Variants in PIEZO2 observed in about 807,000 individuals in gnomAD.
PIEZO2 encodes the protein piezo type mechanosensitive ion channel component 2, also known as piezo-type mechanosensitive ion channel component 2.
PIEZO2 carries 172 observed loss-of-function variants against 337.3 expected under a neutral mutation model. That is an observed-to-expected ratio of 0.51 (90% CI 0.45 to 0.58). The LOEUF is 0.58. Ranked by LOEUF, PIEZO2 falls within the 20% of genes least tolerant of loss-of-function variation. The pLI, the probability that PIEZO2 is intolerant of heterozygous loss-of-function variation, is 0.00. For synonymous variants in PIEZO2, 1,251 were observed against 1,228.5 expected, an observed-to-expected ratio of 1.02 and a Z score of -0.38; for missense variants, 3,028 against 3,391.3, an observed-to-expected ratio of 0.89 and a Z score of 2.66.
intron 33 of PIEZO2, among the ~76,000 whole-genome samples, chr18:10,737,435 C>T (rs1243432338): frequency 2.0e-5 from 3 of 152,194 alleles, no homozygotes; most frequent in African/African-American, 7.2e-5. Flanking sequence ...CGTGTCGTAG[C>T]CCTAAGACAG....
intron 7 of PIEZO2, among the ~76,000 whole-genome samples, chr18:10,807,853 T>G (rs181948758): frequency 5.3e-5 from 8 of 152,352 alleles, no homozygotes; most frequent in African/African-American, 1.9e-4. Context: ...CAAAGCATAG[T>G]AACTAATCAT....
In PIEZO2 at chr18:10,780,305, G is replaced by T. The variant is rs755987089; in HGVS notation, c.2534+20C>A. On this transcript the variant is annotated intron_variant, in intron 18 of 55. Coordinates refer to ENST00000674853, the MANE Select transcript of PIEZO2 (RefSeq NM_001378183.1). ...AATAGCTTCGAACAAAAATAAGAGA[G>T]AAAACATTGAAGTACCCACCTATTT... The T allele has an allele frequency of 1.4e-6, 1 of 702,746 alleles. No homozygotes were observed. The highest frequency in any genetic ancestry group is 2.6e-6 in the Non-Finnish European group (1 of 384,884). The allele number at this position is 702,746 out of a possible 1,614,324, so 43.5% of individuals were successfully genotyped here. A position where few individuals can be genotyped will look rare whatever the true frequency, so the allele number is the denominator to read the frequency against.
intron 4 of PIEZO2, among the ~76,000 whole-genome samples, chr18:10,884,573 A>G (rs994844951): frequency 1.3e-5 from 2 of 152,152 alleles, no homozygotes; most frequent in Non-Finnish European, 2.9e-5. Context: ...CACTGGCCAC[A>G]TTGCCTGGCT....
rs1412347444 is a variant in PIEZO2, at chr18:11,125,709, C to A, written c.64+22816G>T. ...CAGGAAAAGAGAGTCTAGTTCAGGG[C>A]AGGACAACATTCCAGCCCCCACTGA... On this transcript the variant is annotated intron_variant, in intron 1 of 55. Transcript: ENST00000674853. The surrounding 1 kb of genome is among the most constrained non-coding windows in gnomAD (Gnocchi z 4.4). Among the ~76,000 whole-genome samples, 1 of 152,212 alleles carries A rather than the reference C, an allele frequency of 6.6e-6. No homozygotes were observed. The highest frequency in any genetic ancestry group is 2.4e-5 in the African/African-American group (1 of 41,464).
At chr18:10,690,680 C>T (rs932058992) in intron 48 of PIEZO2, among the ~76,000 whole-genome samples, 3 of 152,122 alleles carry the variant, frequency 2.0e-5, no homozygotes, top group East Asian at 1.9e-4. Context: ...GTTTAATTTG[C>T]GAGAGAACAG....
intron 2 of PIEZO2, among the ~76,000 whole-genome samples, chr18:11,045,295 CAAAAAA>C (rs58924653): frequency 4.6e-4 from 24 of 52,346 alleles, no homozygotes; most frequent in South Asian, 3.0e-3. Flanking sequence ...GACTCCGTCT[CAAAAAA>C]AAAAAAAAAA....
At chr18:11,118,349 C>T (rs1246858333) in intron 1 of PIEZO2, among the ~76,000 whole-genome samples, 1 of 152,184 alleles carries the variant, frequency 6.6e-6, no homozygotes, top group African/African-American at 2.4e-5. Flanking sequence ...TACTCATTTC[C>T]TTTTTATTCC....
Position 10,786,974 on chromosome 18 carries a change from C to T in PIEZO2, c.2318+62G>A, listed in dbSNP as rs958562610. The T allele has an allele frequency of 7.0e-6, 10 of 1,418,812 alleles. No individual in the cohort carries two copies. The African/African-American group carries it at 1.0e-4, about 14-fold the overall frequency. 87.9% of individuals were successfully genotyped at this position (1,418,812 alleles called of 1,614,324 possible). Reference sequence around the variant, plus strand: ...TTTACTAAAATCTTCCTTAAAGATGCTTTGAACAATATGCATTCAAGTCTT... The same window carrying T: ...TTTACTAAAATCTTCCTTAAAGATGTTTTGAACAATATGCATTCAAGTCTT... On this transcript the variant is annotated intron_variant, in intron 16 of 55. Transcript: ENST00000674853.
intron 1 of PIEZO2, among the ~76,000 whole-genome samples, chr18:11,085,362 C>A (rs1272216389): frequency 1.3e-5 from 2 of 152,144 alleles, no homozygotes; most frequent in Non-Finnish European, 2.9e-5. Context: ...AGACTCCAGT[C>A]ACCTGCTTGC....
rs1409494922 is a variant in PIEZO2 at position 10,763,034 on chromosome 18, C to T, written c.3011G>A (p.Arg1004His). 6.5e-6 allele frequency: 10 copies of T among 1,537,136 alleles called. No homozygotes were observed. Among genetic ancestry groups the T allele is most frequent in the Admixed American group, 3.9e-5 (2 of 50,984 alleles). Reference sequence around the variant, plus strand: ...TGTGCAGACACTTGAAGCCAGACGGCGCAGCTTGGCGTACGGCAGAGCAAA... The same window carrying T: ...TGTGCAGACACTTGAAGCCAGACGGTGCAGCTTGGCGTACGGCAGAGCAAA... ...WAFALPYAKL[R>H]RLASSVCTVW... Residue 1004 changes from arginine to histidine, a missense_variant, in exon 22 of 56, where the codon CGC (arginine) becomes CAC (histidine). Around this residue, in one of 5 missense-constraint regions of PIEZO2, gnomAD observed 1,925 missense variants for 2,051.9 expected, o/e 0.94. Transcript: ENST00000674853.
At chr18:10,762,866 T>C in intron 22 of PIEZO2, 56 bp downstream of exon 22, 1 of 1,500,862 alleles carries the variant, frequency 6.7e-7, no homozygotes, top group South Asian at 1.3e-5. Flanking sequence ...TCCCCAAGTA[T>C]CTGCCTTGCT....
At chr18:11,122,146 G>A (rs958908356) in intron 1 of PIEZO2, among the ~76,000 whole-genome samples, 3 of 151,976 alleles carry the variant, frequency 2.0e-5, no homozygotes, top group East Asian at 1.9e-4. Flanking sequence ...TAGTAGAGAC[G>A]GGGTTTCACC....
At position 10,727,529 on chromosome 18, in the gene PIEZO2, C is replaced by T. The variant is rs2036589712; in HGVS notation, c.5029+3878G>A. On this transcript the variant is annotated intron_variant, in intron 36 of 55. Transcript: ENST00000674853. This position sits in a 1 kb window ranked among gnomAD's most constrained non-coding sequence, Gnocchi z 6.3. Reference sequence around the variant, plus strand: ...ATTTATTCCATATTTATATGATCTACTTCCTGTGGCTGGGAGCAGCAGCTC... The same window carrying T: ...ATTTATTCCATATTTATATGATCTATTTCCTGTGGCTGGGAGCAGCAGCTC... 1 of 152,312 alleles carries T rather than the reference C, an allele frequency of 6.6e-6. No homozygotes were observed. Among genetic ancestry groups the T allele is most frequent in the South Asian group, 2.1e-4 (1 of 4,842 alleles). The allele number at this position is 152,312 out of a possible 1,614,324, so 9.4% of individuals were successfully genotyped here. A position where few individuals can be genotyped will look rare whatever the true frequency, so the allele number is the denominator to read the frequency against.
intron 49 of PIEZO2, among the ~76,000 whole-genome samples, chr18:10,688,871 T>A (rs1567949928): frequency 6.6e-6 from 1 of 152,130 alleles, no homozygotes; most frequent in African/African-American, 2.4e-5. Flanking sequence ...CCTCTGCTCC[T>A]TAGAAATCAG....
chr18:10,778,316 A>C (rs905843685), intron 18 of PIEZO2, among the ~76,000 whole-genome samples: 1 of 150,054 alleles, frequency 6.7e-6, no homozygotes, highest in African/African-American at 2.4e-5. Flanking sequence ...GTTTCCTTTG[A>C]GGCACAGCTC....
intron 2 of PIEZO2, among the ~76,000 whole-genome samples, chr18:10,981,469 A>T (rs7243989): frequency 0.012 from 1,794 of 152,326 alleles, 38 homozygotes; most frequent in African/African-American, 0.04. Flanking sequence ...TTAAAAGAGA[A>T]ATAGCATTTG....
At chr18:10,944,507 CTTAGTAACAGATATATATATA>C (rs2032908371) in intron 3 of PIEZO2, among the ~76,000 whole-genome samples, 1 of 20,696 alleles carries the variant, frequency 4.8e-5, no homozygotes, top group African/African-American at 2.3e-4. Flanking sequence ...ATATATATAT[CTTAGTAACAGATATATATATA>C]TATATATATA....
intron 3 of PIEZO2, among the ~76,000 whole-genome samples, chr18:10,957,798 C>T (rs913262297): frequency 1.3e-5 from 2 of 152,130 alleles, no homozygotes; most frequent in Non-Finnish European, 2.9e-5. Context: ...AAAATACATA[C>T]GGAATTCAAG....
At chr18:11,107,225 C>A (rs1035230225) in intron 1 of PIEZO2, among the ~76,000 whole-genome samples, 2 of 152,162 alleles carry the variant, frequency 1.3e-5, no homozygotes, top group East Asian at 3.9e-4. Flanking sequence ...ACGTAAAGGA[C>A]TTAGAACAGT....
Sources: gnomAD v4.1 joint callset for allele counts (sites outside exome capture counted in the v4.1 genomes callset) on GRCh38, gnomAD v4.1.1 for gene constraint, gnomAD v4.1.1 regional missense constraint, Gnocchi (gnomAD v3.1) non-coding constraint, MANE v1.5 for transcripts, NCBI Gene and HGNC (gene_info 2026-07-23, HGNC 2026-07-21) for gene names.